The following DGKB variants were observed in gnomAD, a reference collection of about 807,000 sequenced individuals.
DGKB encodes the protein diacylglycerol kinase beta, also known as 90 kDa diacylglycerol kinase.
A neutral mutation model predicts 114.3 loss-of-function variants in DGKB; 67 were observed. That is an observed-to-expected ratio of 0.59 (90% CI 0.48 to 0.72). The LOEUF (loss-of-function observed/expected upper bound fraction) is 0.72. DGKB is among the 30% of genes least tolerant of loss of function. The probability of loss-of-function intolerance (pLI) is 0.00; values close to 1 mark genes in which losing one functional copy is unlikely to be tolerated. For missense variants in DGKB, 907 were observed against 975.2 expected, an observed-to-expected ratio of 0.93 and a Z score of 0.93; for synonymous variants, 398 against 323.1, an observed-to-expected ratio of 1.23 and a Z score of -2.49.
rs1370776020 is a variant in DGKB, at chr7:14,148,246, AC to A, written c.*884del. ...AGTCATCACAAAATTAATCACAGGA[AC>A]CCTAAATTTGCTCCACAATGCTTAA... On this transcript the variant is annotated 3_prime_UTR_variant, in exon 26 of 26. Coordinates refer to ENST00000402815, the MANE Select transcript of DGKB (RefSeq NM_001350709.2). 2 of 152,582 alleles carry A rather than the reference AC, an allele frequency of 1.3e-5. No individual in the cohort carries two copies. The highest frequency in any genetic ancestry group is 4.8e-5 in the African/African-American group (2 of 41,448). 9.5% of individuals were successfully genotyped at this position (152,582 alleles called of 1,614,324 possible). A position where few individuals can be genotyped will look rare whatever the true frequency, so the allele number is the denominator to read the frequency against.
chr7:14,730,991 C>T lies in DGKB; in HGVS notation c.322+5050G>A, dbSNP rs568715751. Among the ~76,000 whole-genome samples, 3 of 152,238 alleles carry T rather than the reference C, an allele frequency of 2.0e-5. No homozygotes were observed. In the East Asian group the frequency reaches 5.8e-4, roughly 29 times the overall value. On this transcript the variant is annotated intron_variant, in intron 5 of 25. Transcript: ENST00000402815. ...GGAAGTCAGGGCCTGCTCTGAGAGC[C>T]TGCTAATTGATAGTTTATGATGAAT... is the stretch of plus-strand genomic sequence containing the variant.
At chr7:14,505,638 T>C (rs374796706) in intron 20 of DGKB, among the ~76,000 whole-genome samples, 1 of 152,180 alleles carries the variant, frequency 6.6e-6, no homozygotes, top group Non-Finnish European at 1.5e-5. Flanking sequence ...TGTGTGTGTG[T>C]ATAATTATCT....
At position 14,694,154 on chromosome 7, in the gene DGKB, T is replaced by C. The variant is rs1487196369; in HGVS notation, c.632A>G (p.Asp211Gly). The change falls in exon 9 of 26, where the codon GAT becomes GGT. Residue 211 changes from aspartate (D) to glycine (G), a missense_variant. Asp to Gly is a moderately conservative substitution (Grantham distance 94). Transcript: ENST00000402815. ...CCATTCCTCCAGAGACACGGTTCCA[T>C]CATGATCATAGTCAATTTCTTCCAT... is the stretch of plus-strand genomic sequence containing the variant. ...EMMEEIDYDH[D>G]GTVSLEEWIQ... 7 of 1,585,196 alleles carry C rather than the reference T, an allele frequency of 4.4e-6. No individual in the cohort carries two copies. Among genetic ancestry groups the C allele is most frequent in the African/African-American group, 1.3e-5 (1 of 74,604 alleles).
intron 15 of DGKB, among the ~76,000 whole-genome samples, chr7:14,619,789 T>A (rs1354779941): frequency 6.6e-6 from 1 of 151,680 alleles, no homozygotes; most frequent in Non-Finnish European, 1.5e-5. Flanking sequence ...ATGATAATAA[T>A]GGTATTGATC....
At chr7:14,616,213 A>G (rs1012259134) in intron 15 of DGKB, among the ~76,000 whole-genome samples, 1 of 147,910 alleles carries the variant, frequency 6.8e-6, no homozygotes, top group Non-Finnish European at 1.5e-5. Context: ...ACATATATAT[A>G]ATATACATAT....
At chr7:14,376,672 AC>A (rs2128667843) in intron 21 of DGKB, among the ~76,000 whole-genome samples, 1 of 152,256 alleles carries the variant, frequency 6.6e-6, no homozygotes, top group South Asian at 2.1e-4. Flanking sequence ...ACCTTATAAA[AC>A]CATGACTCCC....
chr7:14,232,435 T>C (rs1442164214), intron 23 of DGKB, among the ~76,000 whole-genome samples: 1 of 151,044 alleles, frequency 6.6e-6, no homozygotes, highest in Non-Finnish European at 1.5e-5. Flanking sequence ...ATTATTATTA[T>C]TACTATTATT....
intron 5 of DGKB, among the ~76,000 whole-genome samples, chr7:14,728,967 T>C (rs1830431332): frequency 6.6e-6 from 1 of 152,026 alleles, no homozygotes; most frequent in Non-Finnish European, 1.5e-5. Context: ...CCCAAAGTGC[T>C]AGGATTACAA....
intron 23 of DGKB, among the ~76,000 whole-genome samples, chr7:14,253,421 A>G (rs1004359532): frequency 1.3e-5 from 2 of 152,094 alleles, no homozygotes; most frequent in African/African-American, 2.4e-5. Context: ...TGATTTCCCT[A>G]TATGTGATCT....
chr7:14,622,502 C>T (rs1346047302), intron 14 of DGKB, among the ~76,000 whole-genome samples: 2 of 152,078 alleles, frequency 1.3e-5, no homozygotes, highest in Non-Finnish European at 2.9e-5. Context: ...GATGCTGTTT[C>T]TGTATGTCCA....
At chr7:14,226,887 G>A (rs1790886955) in intron 23 of DGKB, among the ~76,000 whole-genome samples, 1 of 151,950 alleles carries the variant, frequency 6.6e-6, no homozygotes, top group Non-Finnish European at 1.5e-5. Context: ...TAGTTTACAA[G>A]TCATGTGGTT....
intron 21 of DGKB, among the ~76,000 whole-genome samples, chr7:14,462,770 G>A (rs1833273670): frequency 6.6e-6 from 1 of 152,152 alleles, no homozygotes; most frequent in Admixed American, 6.5e-5. Context: ...CCAAAAAGGA[G>A]GCTGTATAGC....
At chr7:14,553,164 G>A (rs771809958) in intron 20 of DGKB, among the ~76,000 whole-genome samples, 3 of 152,166 alleles carry the variant, frequency 2.0e-5, no homozygotes, top group Non-Finnish European at 4.4e-5. Flanking sequence ...TGTATTGCAA[G>A]GCAAAAATTA....
At chr7:14,846,807 C>T (rs529248531) in intron 1 of DGKB, among the ~76,000 whole-genome samples, 30 of 152,272 alleles carry the variant, frequency 2.0e-4, no homozygotes, top group African/African-American at 7.2e-4. Flanking sequence ...TGTACCTGGG[C>T]TAAAGCACAA....
intron 2 of DGKB, among the ~76,000 whole-genome samples, chr7:14,783,795 AGATTCAAT>A (rs1301105067): frequency 1.3e-5 from 2 of 152,242 alleles, no homozygotes; most frequent in African/African-American, 4.8e-5. Flanking sequence ...AGGCCTTGAT[AGATTCAAT>A]GCTTTCCTGA....
intron 21 of DGKB, among the ~76,000 whole-genome samples, chr7:14,439,300 C>T (rs1228196833): frequency 6.6e-6 from 1 of 152,016 alleles, no homozygotes; most frequent in Non-Finnish European, 1.5e-5. Flanking sequence ...GGCAAATTCT[C>T]AATATACAGT....
chr7:14,471,018 T>C (rs958940298), intron 21 of DGKB, among the ~76,000 whole-genome samples: 1 of 151,236 alleles, frequency 6.6e-6, no homozygotes, highest in African/African-American at 2.4e-5. Flanking sequence ...ATTCTAGAAC[T>C]TTAATGGAAT....
intron 21 of DGKB, among the ~76,000 whole-genome samples, chr7:14,353,487 C>T (rs554979017): frequency 6.6e-6 from 1 of 152,018 alleles, no homozygotes; most frequent in African/African-American, 2.4e-5. Flanking sequence ...CCTTCTTGCC[C>T]CTATGAAGGA....
chr7:14,876,307 A>C (rs901032639), intron 1 of DGKB, among the ~76,000 whole-genome samples: 19 of 152,230 alleles, frequency 1.2e-4, no homozygotes, highest in African/African-American at 3.4e-4. Flanking sequence ...ATATGACTGC[A>C]AAACTACAGT....
Sources: gnomAD v4.1 joint callset for allele counts (sites outside exome capture counted in the v4.1 genomes callset) on GRCh38, gnomAD v4.1.1 for gene constraint, MANE v1.5 for transcripts, NCBI Gene and HGNC (gene_info 2026-07-23, HGNC 2026-07-21) for gene names.